ERC2: variants seen among roughly 807,000 people sequenced by gnomAD.
ERC2 encodes the protein ERC protein 2.
Under a neutral mutation model 114.8 loss-of-function variants are expected in ERC2, and 42 were observed. The ratio of observed to expected loss-of-function variants is 0.37; its 90% confidence interval spans 0.29 to 0.47. The LOEUF is 0.47. Among genes scored for constraint, ERC2 ranks in the 20% least tolerant of loss-of-function variants. The pLI is 0.99. For missense variants in ERC2, 939 were observed against 1,150.7 expected (o/e 0.82, Z 2.66); for synonymous variants, 454 against 425.5 (o/e 1.07, Z -0.82).
chr3:55,536,589 T>A (rs898325877), intron 17 of ERC2, among the ~76,000 whole-genome samples: 1 of 152,148 alleles, frequency 6.6e-6, no homozygotes, highest in African/African-American at 2.4e-5. Context: ...GTCAAAGGAG[T>A]TGAAGTCATA....
chr3:56,249,841 T>C (rs1260039703), intron 3 of ERC2, among the ~76,000 whole-genome samples: 3 of 148,376 alleles, frequency 2.0e-5, no homozygotes, highest in Non-Finnish European at 4.4e-5. Flanking sequence ...ACTCACAAAA[T>C]CTGCATCAAA....
At chr3:55,740,723 C>T (rs2065921183) in intron 14 of ERC2, among the ~76,000 whole-genome samples, 1 of 152,098 alleles carries the variant, frequency 6.6e-6, no homozygotes, top group Non-Finnish European at 1.5e-5. Flanking sequence ...TAATTCCAGG[C>T]TAACAGAGCC....
chr3:55,565,501 C>T lies in ERC2; in HGVS notation c.*40-54225G>A, dbSNP rs773478375. ...TTGTCTAGAGGGGTCAGTGAATCCA[C>T]GTTCCACCTCTGCATTTCCCTCTAA... is the stretch of plus-strand genomic sequence containing the variant. On this transcript the variant is annotated intron_variant, in intron 17 of 17. Transcript: ENST00000288221. 3.4e-4 allele frequency among the ~76,000 whole-genome samples: 52 copies of T among 152,150 alleles called. 1 individual carries two copies. Among genetic ancestry groups the T allele is most frequent in the Admixed American group, 3.9e-4 (6 of 15,266 alleles).
chr3:55,958,757 C>T (rs942720775), intron 12 of ERC2, among the ~76,000 whole-genome samples: 36 of 152,338 alleles, frequency 2.4e-4, no homozygotes, highest in African/African-American at 8.2e-4. Flanking sequence ...CCAGGCTTGG[C>T]CACAACTTTG....
chr3:55,699,303 T>C lies in ERC2; in HGVS notation c.2847+75A>G. ...TCACTTTATGATGTTTATTATTTCT[T>C]GAGGATTATTTATTTTATCTTAAAA... On this transcript the variant is annotated intron_variant, in intron 16 of 17. Transcript: ENST00000288221. The C allele has an allele frequency of 1.9e-6, 3 of 1,562,306 alleles. No individual in the cohort carries two copies. In the South Asian group the frequency reaches 3.4e-5, roughly 17 times the overall value.
At chr3:55,514,619 G>A (rs531570104) in intron 17 of ERC2, among the ~76,000 whole-genome samples, 198 of 152,310 alleles carry the variant, frequency 1.3e-3, no homozygotes, top group African/African-American at 4.6e-3. Flanking sequence ...GGACCTGAGA[G>A]CTTCCTATAG....
chr3:56,282,675 G>GTTGTGC (rs1560516605), intron 3 of ERC2, among the ~76,000 whole-genome samples: 1 of 125,726 alleles, frequency 8.0e-6, no homozygotes, highest in Non-Finnish European at 1.8e-5. Flanking sequence ...CCATCTAACA[G>GTTGTGC]TGGTGCTGCT....
intron 14 of ERC2, among the ~76,000 whole-genome samples, chr3:55,851,428 A>C (rs1356743507): frequency 6.6e-6 from 1 of 152,182 alleles, no homozygotes; most frequent in African/African-American, 2.4e-5. Context: ...CACACACACA[A>C]CTAGAGGGAA....
At chr3:55,554,014 C>A (rs965993380) in intron 17 of ERC2, among the ~76,000 whole-genome samples, 4 of 152,156 alleles carry the variant, frequency 2.6e-5, no homozygotes, top group Non-Finnish European at 5.9e-5. Flanking sequence ...AGAACTGTTT[C>A]ATGGAGGAAA....
At chr3:55,963,682 C>T (rs929165356) in intron 12 of ERC2, among the ~76,000 whole-genome samples, 13 of 152,338 alleles carry the variant, frequency 8.5e-5, no homozygotes, top group Admixed American at 2.6e-4. Flanking sequence ...CTGTATCATT[C>T]TAAAAGCCTA....
chr3:56,456,287 A>G (rs1264445691), intron 1 of ERC2, among the ~76,000 whole-genome samples: 1 of 152,226 alleles, frequency 6.6e-6, no homozygotes, highest in Non-Finnish European at 1.5e-5. Flanking sequence ...TATCACAATA[A>G]TCACCTATTC....
rs117610372 is a variant in ERC2 at position 56,198,496 on chromosome 3, T to A, written c.1075-24976A>T. ...GGCCTGAGCTATGGCAGATGATAGGTAGAGAAAGAAGGGCCCTGAATCAGA... is the reference window on the plus strand; with the variant it reads ...GGCCTGAGCTATGGCAGATGATAGGAAGAGAAAGAAGGGCCCTGAATCAGA... On this transcript the variant is annotated intron_variant, in intron 3 of 17. Transcript: ENST00000288221. 3.9e-5 allele frequency among the ~76,000 whole-genome samples: 6 copies of A among 152,044 alleles called. 1 individual carries two copies. The East Asian group carries it at 1.2e-3, about 29-fold the overall frequency.
intron 12 of ERC2, among the ~76,000 whole-genome samples, chr3:55,966,108 G>A (rs1293265332): frequency 3.9e-5 from 6 of 152,064 alleles, no homozygotes; most frequent in Non-Finnish European, 7.4e-5. Context: ...TGTTAATAAC[G>A]TTACCAAAAA....
chr3:55,721,827 T>C (rs946211961), intron 15 of ERC2, among the ~76,000 whole-genome samples: 7 of 152,210 alleles, frequency 4.6e-5, no homozygotes, highest in Non-Finnish European at 1.0e-4. Context: ...GTGATCCACA[T>C]ACCTCCTTCC....
At position 56,435,028 on chromosome 3, in the gene ERC2, T is replaced by C. The variant is rs1278496557; in HGVS notation, c.-21A>G. On this transcript the variant is annotated 5_prime_UTR_variant, in exon 2 of 18. Coordinates refer to ENST00000288221, the MANE Select transcript of ERC2 (RefSeq NM_015576.3). The stretch of plus-strand genomic sequence containing the variant: ...TACATTTTTCTTGTATTATGAGGTG[T>C]TACTGAAGAGAAGAAATGCTATATT... 1.9e-6 allele frequency: 3 copies of C among 1,570,620 alleles called. No individual in the cohort carries two copies. Among genetic ancestry groups the C allele is most frequent in the Non-Finnish European group, 2.6e-6 (3 of 1,161,260 alleles).
chr3:56,239,291 C>A (rs1051500076), intron 3 of ERC2, among the ~76,000 whole-genome samples: 1 of 151,728 alleles, frequency 6.6e-6, no homozygotes, highest in African/African-American at 2.4e-5. Flanking sequence ...CCGAGGCGGG[C>A]AGGTTGCCTG....
At chr3:55,803,786 A>G (rs2059392724) in intron 14 of ERC2, among the ~76,000 whole-genome samples, 2 of 152,304 alleles carry the variant, frequency 1.3e-5, no homozygotes, top group South Asian at 4.1e-4. Context: ...CCATCATGGG[A>G]CTGATTGCAG....
intron 4 of ERC2, among the ~76,000 whole-genome samples, chr3:56,167,261 G>C (rs1223295193): frequency 6.6e-6 from 1 of 152,102 alleles, no homozygotes; most frequent in African/African-American, 2.4e-5. Flanking sequence ...TAAAGACTTA[G>C]AACTCAGTTT....
intron 6 of ERC2, among the ~76,000 whole-genome samples, chr3:56,106,419 T>A (rs939618069): frequency 2.0e-5 from 3 of 152,222 alleles, no homozygotes; most frequent in African/African-American, 7.2e-5. Flanking sequence ...TATTAATGTT[T>A]AACGAGGACA....
Sources: allele counts gnomAD v4.1 joint callset (sites outside exome capture counted in the v4.1 genomes callset), GRCh38; gene constraint gnomAD v4.1.1; transcripts MANE v1.5; gene names NCBI Gene and HGNC (gene_info 2026-07-23, HGNC 2026-07-21).